The following ACBD6 variants were observed in gnomAD, a reference collection of about 807,000 sequenced individuals.
The protein encoded by ACBD6 is acyl-CoA binding domain containing 6.
A neutral mutation model predicts 37.2 loss-of-function variants in ACBD6; 28 were observed. The ratio of observed to expected loss-of-function variants is 0.75; its 90% CI spans 0.56 to 1.03. The LOEUF (loss-of-function observed/expected upper bound fraction) is 1.03, where lower values mean the gene tolerates loss of function less well. Ranked by LOEUF, ACBD6 falls within the 50% of genes least tolerant of loss-of-function variation. ACBD6 has a pLI of 0.00. For missense variants in ACBD6, 340 were observed against 337.4 expected, an observed-to-expected ratio of 1.01 and a Z score of -0.06; for synonymous variants, 113 against 126.8, an observed-to-expected ratio of 0.89 and a Z score of 0.73.
chr1:180,454,709 G>A (rs985970224), intron 3 of ACBD6, among the ~76,000 whole-genome samples: 2 of 152,076 alleles, frequency 1.3e-5, no homozygotes, highest in African/African-American at 2.4e-5. Flanking sequence ...AGTGGGCAAA[G>A]GATATCAATA....
intron 3 of ACBD6, among the ~76,000 whole-genome samples, chr1:180,436,982 C>T (rs1250451773): frequency 6.6e-6 from 1 of 152,160 alleles, no homozygotes; most frequent in Admixed American, 6.5e-5. Context: ...AATGTTAATG[C>T]TATCATATCT....
At chr1:180,469,811 G>A (rs1650486757) in intron 3 of ACBD6, among the ~76,000 whole-genome samples, 1 of 151,840 alleles carries the variant, frequency 6.6e-6, no homozygotes, top group Admixed American at 6.6e-5. Flanking sequence ...TTTATTTTTT[G>A]GTGGCATATT....
intron 3 of ACBD6, among the ~76,000 whole-genome samples, chr1:180,475,728 A>G (rs1650753243): frequency 6.6e-6 from 1 of 152,142 alleles, no homozygotes; most frequent in African/African-American, 2.4e-5. Flanking sequence ...CTGTAGATAC[A>G]CCATAATTTG....
At chr1:180,364,733 TA>T (rs1652984648) in intron 6 of ACBD6, among the ~76,000 whole-genome samples, 2 of 91,526 alleles carry the variant, frequency 2.2e-5, no homozygotes, top group East Asian at 3.7e-4. Flanking sequence ...AATTCCTTTC[TA>T]TCTTTTTTTT....
In ACBD6 at chr1:180,397,542, G is replaced by A; in HGVS notation, c.637C>T (p.Gln213Ter). The A allele has an allele frequency of 1.2e-6, 2 of 1,613,950 alleles. No homozygotes were observed. Among genetic ancestry groups the A allele is most frequent in the Non-Finnish European group, 1.7e-6 (2 of 1,179,898 alleles). Residue 213 changes from glutamine to a stop codon, truncating the protein, a stop_gained, in exon 6 of 8, where the codon CAA becomes TAA. Transcript: ENST00000367595. LOFTEE classifies it high-confidence loss of function. ...GHKELVTVLL[Q>*]HRADINCQDN... The stretch of plus-strand genomic sequence containing the variant: ...TGACAGTTAATGTCAGCTCTATGTT[G>A]CAGCAACACTGTGACTAGTTCCTTA...
intron 4 of ACBD6, among the ~76,000 whole-genome samples, chr1:180,420,894 T>G (rs1471730767): frequency 6.6e-6 from 1 of 152,164 alleles, no homozygotes; most frequent in Non-Finnish European, 1.5e-5. Context: ...TAAATCCTGG[T>G]GCTTCCTTCT....
chr1:180,423,983 T>G (rs1370029016), intron 4 of ACBD6, among the ~76,000 whole-genome samples: 1 of 152,104 alleles, frequency 6.6e-6, no homozygotes, highest in Non-Finnish European at 1.5e-5. Flanking sequence ...AGTCTCCAAT[T>G]TTACCAGGAA....
chr1:180,348,806 C>T (rs1571392632), intron 6 of ACBD6, among the ~76,000 whole-genome samples: 2 of 152,156 alleles, frequency 1.3e-5, no homozygotes, highest in South Asian at 4.2e-4. Flanking sequence ...ATTCCATAGC[C>T]TTCTAAACCT....
chr1:180,330,534 C>T (rs555268652), intron 6 of ACBD6, among the ~76,000 whole-genome samples: 3 of 152,296 alleles, frequency 2.0e-5, no homozygotes, highest in East Asian at 3.9e-4. Flanking sequence ...CAAACTCTTT[C>T]TCCACATGGG....
intron 3 of ACBD6, among the ~76,000 whole-genome samples, chr1:180,468,557 T>C (rs1428728730): frequency 1.3e-5 from 2 of 152,240 alleles, no homozygotes; most frequent in African/African-American, 4.8e-5. Context: ...TGTTTTATCT[T>C]ACATTTCTTG....
chr1:180,302,503 T>C (rs1247973119), intron 7 of ACBD6, among the ~76,000 whole-genome samples: 3 of 152,140 alleles, frequency 2.0e-5, no homozygotes, highest in Non-Finnish European at 4.4e-5. Context: ...TCTTTGTTGG[T>C]TTAAAGTCTG....
chr1:180,271,731 C>A, exon 14 of ACBD6: 1 of 1,376,490 alleles, frequency 7.3e-7, no homozygotes. Flanking sequence ...ACCTGTGCTC[C>A]ATTCAGGCTT....
chr1:180,413,392 C>T lies in ACBD6; in HGVS notation c.547G>A (p.Val183Met), dbSNP rs377451630. 1.3e-5 allele frequency: 21 copies of T among 1,613,234 alleles called. 1 individual carries two copies. The highest frequency in any genetic ancestry group is 1.7e-5 in the Non-Finnish European group (20 of 1,179,638). The stretch of plus-strand genomic sequence containing the variant: ...TCTTCATCTTTCACATTCACATCCA[C>T]ATTTTTCGATTTGATGGCTTTGGTT... ...HITKAIKSKN[V>M]DVNVKDEEGR... Residue 183 changes from valine (V) to methionine (M), a missense_variant, in exon 5 of 8, where the codon GTG becomes ATG. Coordinates refer to ENST00000367595, the MANE Select transcript of ACBD6 (RefSeq NM_032360.4).
chr1:180,274,332 G>A, intron 10 of ACBD6: 1 of 1,614,194 alleles, frequency 6.2e-7, no homozygotes, highest in South Asian at 1.1e-5. Flanking sequence ...AGCCCCTATG[G>A]AATCCCCCAG....
exon 14 of ACBD6, chr1:180,271,406 C>A (rs145500874): frequency 6.2e-7 from 1 of 1,614,126 alleles, no homozygotes; most frequent in East Asian, 2.2e-5. Flanking sequence ...AGCTAAGCGG[C>A]CCCGGACCAC....
chr1:180,309,145 T>C (rs528969908), intron 7 of ACBD6, among the ~76,000 whole-genome samples: 1 of 152,298 alleles, frequency 6.6e-6, no homozygotes, highest in East Asian at 1.9e-4. Flanking sequence ...GAGATATATA[T>C]TTACTAGCAA....
At position 180,271,378 on chromosome 1, in the gene ACBD6, A is replaced by C. The variant is rs786204780; in HGVS notation, c.*1847T>G. ...CCAGTAAGCAGTGGTTTTTCCTTGCAGATGACTCAGAGGCTGGAGCTAAGC... is the reference window on the plus strand; with the variant it reads ...CCAGTAAGCAGTGGTTTTTCCTTGCCGATGACTCAGAGGCTGGAGCTAAGC... On this transcript the variant is annotated 3_prime_UTR_variant, in exon 14 of 14. Coordinates refer to the ACBD6 transcript ENST00000642319. 5 of 1,614,112 alleles carry C rather than the reference A, an allele frequency of 3.1e-6. No individual in the cohort carries two copies. Among genetic ancestry groups the C allele is most frequent in the Non-Finnish European group, 4.2e-6 (5 of 1,180,054 alleles).
At chr1:180,412,579 T>C (rs1042858523) in intron 5 of ACBD6, among the ~76,000 whole-genome samples, 1 of 152,102 alleles carries the variant, frequency 6.6e-6, no homozygotes, top group Non-Finnish European at 1.5e-5. Flanking sequence ...AATTAAGAAG[T>C]AATACACAAG....
intron 6 of ACBD6, among the ~76,000 whole-genome samples, chr1:180,348,244 A>G (rs1652268925): frequency 6.6e-6 from 1 of 152,240 alleles, no homozygotes; most frequent in Non-Finnish European, 1.5e-5. Flanking sequence ...CTTGATGGCA[A>G]TGAAAGTAGC....
Sources: gnomAD v4.1 joint callset for allele counts (sites outside exome capture counted in the v4.1 genomes callset) on GRCh38, gnomAD v4.1.1 for gene constraint, MANE v1.5 for transcripts, NCBI Gene and HGNC (gene_info 2026-07-23, HGNC 2026-07-21) for gene names.